Variants in ZFHX3 observed in about 807,000 individuals in gnomAD.
The protein encoded by ZFHX3 is zinc finger homeobox 3.
Under a neutral mutation model 279.1 loss-of-function variants are expected in ZFHX3, and 42 were observed. The observed-to-expected ratio is 0.15, with a 90% CI of 0.12 to 0.19. The LOEUF is 0.19. ZFHX3 is among the 10% of genes least tolerant of loss of function. The pLI, the probability that ZFHX3 is intolerant of heterozygous loss-of-function variation, is 1.00. For missense variants in ZFHX3, 4,981 were observed against 4,754.0 expected (o/e 1.05, Z -1.40); for synonymous variants, 2,293 against 1,957.8 (o/e 1.17, Z -4.52).
chr16:73,640,723 T>C (rs1269244304), intron 2 of ZFHX3, among the ~76,000 whole-genome samples: 2 of 9,504 alleles, frequency 2.1e-4, no homozygotes, highest in East Asian at 0.077. Context: ...AACATCTAAT[T>C]AATAAAAAAT....
intron 4 of ZFHX3, among the ~76,000 whole-genome samples, chr16:72,889,242 C>G (rs745430729): frequency 1.3e-5 from 2 of 152,102 alleles, no homozygotes; most frequent in Admixed American, 1.3e-4. Context: ...TTATTTTATT[C>G]CTCTCTAAAG....
intron 4 of ZFHX3, among the ~76,000 whole-genome samples, chr16:73,257,928 A>AT (rs1195455661): frequency 1.3e-5 from 2 of 152,150 alleles, no homozygotes; most frequent in African/African-American, 4.8e-5. Flanking sequence ...CTGAATAAAT[A>AT]TTTTTTGGGT....
At chr16:73,799,514 T>C (rs562131591) in intron 1 of ZFHX3, among the ~76,000 whole-genome samples, 1 of 152,292 alleles carries the variant, frequency 6.6e-6, no homozygotes, top group South Asian at 2.1e-4. Context: ...AGATGCTTGC[T>C]GCACTCAGGG....
At chr16:73,322,856 G>A (rs2015605032) in intron 3 of ZFHX3, among the ~76,000 whole-genome samples, 1 of 152,198 alleles carries the variant, frequency 6.6e-6, no homozygotes, top group African/African-American at 2.4e-5. Context: ...AAATAAAATG[G>A]TCTAGCTGAC....
chr16:73,830,760 A>C (rs1024631812), intron 1 of ZFHX3, among the ~76,000 whole-genome samples: 2 of 152,246 alleles, frequency 1.3e-5, no homozygotes, highest in African/African-American at 4.8e-5. Flanking sequence ...TAACTTCTTG[A>C]ATGAACTGTC....
chr16:72,979,851 T>C (rs1962508521), intron 1 of ZFHX3, among the ~76,000 whole-genome samples: 1 of 152,148 alleles, frequency 6.6e-6, no homozygotes, highest in Admixed American at 6.5e-5. Context: ...CAAATTTGGC[T>C]CTAAGCTTTC....
intron 3 of ZFHX3, among the ~76,000 whole-genome samples, chr16:73,372,875 C>A (rs1049965406): frequency 6.6e-6 from 1 of 152,184 alleles, no homozygotes; most frequent in East Asian, 1.9e-4. Context: ...CTCAGTGACA[C>A]CTACATCCGA....
At chr16:73,747,222 A>T (rs569172197) in intron 1 of ZFHX3, among the ~76,000 whole-genome samples, 4 of 152,230 alleles carry the variant, frequency 2.6e-5, no homozygotes, top group African/African-American at 4.8e-5. Flanking sequence ...CTCTATTAAA[A>T]ATATAATAAA....
Position 73,192,676 on chromosome 16 carries a change from G to A in ZFHX3, c.-1103-48845C>T, listed in dbSNP as rs574849082. On this transcript the variant is annotated intron_variant, in intron 5 of 17. Transcript: ENST00000641206. Reference sequence around the variant, plus strand: ...GCTGATCCTGTTTTTGAAGAAGCCCGTGGAGCACCACTCCAGTGACTAATC... The same window carrying A: ...GCTGATCCTGTTTTTGAAGAAGCCCATGGAGCACCACTCCAGTGACTAATC... Among the ~76,000 whole-genome samples, 6 of 152,306 alleles carry A rather than the reference G, an allele frequency of 3.9e-5. No homozygotes were observed. In the South Asian group the frequency reaches 1.2e-3, roughly 32 times the overall value.
chr16:73,448,685 C>CGTGTGTGT (rs71156167), intron 3 of ZFHX3, among the ~76,000 whole-genome samples: 19,518 of 141,966 alleles, frequency 0.14, 1,571 homozygotes, highest in South Asian at 0.24. Context: ...TATTTATATA[C>CGTGTGTGT]GTGTGTGTGT....
At chr16:73,597,989 G>A (rs2143855453) in intron 2 of ZFHX3, among the ~76,000 whole-genome samples, 1 of 152,276 alleles carries the variant, frequency 6.6e-6, no homozygotes. Context: ...TGCTATGACT[G>A]TAGGGATTTG....
chr16:73,618,851 G>T (rs1462026264), intron 2 of ZFHX3, among the ~76,000 whole-genome samples: 2 of 152,132 alleles, frequency 1.3e-5, no homozygotes, highest in Non-Finnish European at 2.9e-5. Flanking sequence ...CTCTCCCTCG[G>T]TAGTTTAGAA....
intron 3 of ZFHX3, among the ~76,000 whole-genome samples, chr16:72,933,426 A>G (rs553339574): frequency 6.6e-6 from 1 of 152,298 alleles, no homozygotes; most frequent in South Asian, 2.1e-4. Flanking sequence ...ATTAGGTTTT[A>G]GTATTTTACC....
At chr16:73,707,204 T>C (rs1247097311) in intron 1 of ZFHX3, among the ~76,000 whole-genome samples, 1 of 152,144 alleles carries the variant, frequency 6.6e-6, no homozygotes, top group African/African-American at 2.4e-5. Context: ...TGATTTAAGC[T>C]GAAACCACTC....
At chr16:72,960,842 GA>G (rs1285215535) in intron 1 of ZFHX3, among the ~76,000 whole-genome samples, 1 of 152,142 alleles carries the variant, frequency 6.6e-6, no homozygotes, top group Non-Finnish European at 1.5e-5. Context: ...GACACACTCC[GA>G]AAAGTCCTCT....
At chr16:73,867,638 T>G (rs1305401852) in intron 1 of ZFHX3, among the ~76,000 whole-genome samples, 2 of 152,234 alleles carry the variant, frequency 1.3e-5, no homozygotes, top group Non-Finnish European at 2.9e-5. Context: ...TTTACAGTTG[T>G]GATAGTTAAT....
chr16:73,822,980 T>C (rs1312879969), intron 1 of ZFHX3, among the ~76,000 whole-genome samples: 1 of 152,192 alleles, frequency 6.6e-6, no homozygotes, highest in Admixed American at 6.5e-5. Flanking sequence ...CAACTTACCA[T>C]ACGTCATGCA....
chr16:73,685,890 G>C (rs1345371706), intron 1 of ZFHX3, among the ~76,000 whole-genome samples: 4 of 152,150 alleles, frequency 2.6e-5, no homozygotes, highest in African/African-American at 9.7e-5. Flanking sequence ...CTTAATGTGA[G>C]AATAAAATGT....
At position 73,322,450 on chromosome 16, in the gene ZFHX3, T is replaced by C. The variant is rs555047741; in HGVS notation, c.-1290-4114A>G. On this transcript the variant is annotated intron_variant, in intron 3 of 17. Coordinates refer to the ZFHX3 transcript ENST00000641206. ...ATGGTGATGGAAATACGCTGTGATA[T>C]TGAATCTGAATAGGACACCTAGAGA... is the stretch of plus-strand genomic sequence containing the variant. Among the ~76,000 whole-genome samples the C allele has an allele frequency of 5.9e-5, 9 of 152,348 alleles. No individual in the cohort carries two copies. The East Asian group carries it at 1.5e-3, about 26-fold the overall frequency.
Sources: gnomAD v4.1 joint callset for allele counts (sites outside exome capture counted in the v4.1 genomes callset) on GRCh38, gnomAD v4.1.1 for gene constraint, MANE v1.5 for transcripts, NCBI Gene and HGNC (gene_info 2026-07-23, HGNC 2026-07-21) for gene names.